SLC17A6: variants seen among roughly 807,000 people sequenced by gnomAD.
SLC17A6 encodes vesicular glutamate transporter 2.
Under a neutral mutation model 67.1 loss-of-function variants are expected in SLC17A6, and 35 were observed. The ratio of observed to expected loss-of-function variants is 0.52; its 90% CI spans 0.40 to 0.69. The LOEUF (loss-of-function observed/expected upper bound fraction) is 0.69, where lower values mean the gene tolerates loss of function less well. SLC17A6 is among the 30% of genes least tolerant of loss of function. SLC17A6 has a pLI of 0.00. For missense variants in SLC17A6, 588 were observed against 723.9 expected (o/e 0.81, Z 2.15); for synonymous variants, 285 against 252.3 (o/e 1.13, Z -1.23).
At chr11:22,362,132 T>A (rs1391443332) in intron 5 of SLC17A6, 1 of 254,000 alleles carries the variant, frequency 3.9e-6, no homozygotes, top group East Asian at 1.3e-4. Context: ...CCTATTATCA[T>A]GAGAATTGTC....
chr11:22,377,382 A>G (rs1445212107), intron 11 of SLC17A6, 23 bp from the exon 12 acceptor site: 2 of 1,573,728 alleles, frequency 1.3e-6, no homozygotes, highest in African/African-American at 1.4e-5. Flanking sequence ...CAGTTCTCAC[A>G]GTGCTGCTTT....
intron 3 of SLC17A6, among the ~76,000 whole-genome samples, chr11:22,356,669 T>C (rs1301063801): frequency 1.3e-5 from 2 of 152,112 alleles, no homozygotes; most frequent in African/African-American, 4.8e-5. Flanking sequence ...ACCCAGTGTA[T>C]ACTAAAAATA....
chr11:22,363,139 G>A (rs1301913982), intron 6 of SLC17A6, among the ~76,000 whole-genome samples: 1 of 151,742 alleles, frequency 6.6e-6, no homozygotes, highest in Non-Finnish European at 1.5e-5. Flanking sequence ...GAAGAGGAAA[G>A]AGTTAGGCAG....
chr11:22,371,396 G>A (rs760838613), intron 8 of SLC17A6, among the ~76,000 whole-genome samples: 1 of 151,982 alleles, frequency 6.6e-6, no homozygotes, highest in African/African-American at 2.4e-5. Flanking sequence ...TGTAATTCCT[G>A]TTTCTAAGGA....
At position 22,379,139 on chromosome 11, in the gene SLC17A6, T is replaced by C. The variant is rs1456326236; in HGVS notation, c.*1399T>C. 1 of 152,516 alleles carries C rather than the reference T, an allele frequency of 6.6e-6. No individual in the cohort carries two copies. Among genetic ancestry groups the C allele is most frequent in the Non-Finnish European group, 1.5e-5 (1 of 67,986 alleles). 9.4% of individuals were successfully genotyped at this position (152,516 alleles called of 1,614,324 possible). ...TAGCTGTTTGGGTGGTTGGAATAAT[T>C]TTATTTTTCTTTTAAAAAAGCTAAC... On this transcript the variant is annotated 3_prime_UTR_variant, in exon 12 of 12. Coordinates refer to ENST00000263160, the MANE Select transcript of SLC17A6 (RefSeq NM_020346.3).
At chr11:22,345,486 T>C (rs994246055) in intron 3 of SLC17A6, among the ~76,000 whole-genome samples, 10 of 152,142 alleles carry the variant, frequency 6.6e-5, no homozygotes, top group East Asian at 1.9e-4. Flanking sequence ...AATTTTTTTA[T>C]AGAAAAAAAT....
intron 7 of SLC17A6, among the ~76,000 whole-genome samples, chr11:22,368,521 G>A (rs1856138325): frequency 6.6e-6 from 1 of 151,872 alleles, no homozygotes. Flanking sequence ...AATTTTTTAA[G>A]GTATAAGGTG....
intron 3 of SLC17A6, among the ~76,000 whole-genome samples, chr11:22,354,722 A>G (rs949879450): frequency 2.0e-5 from 3 of 152,182 alleles, no homozygotes; most frequent in African/African-American, 7.2e-5. Context: ...AGTAATGTAA[A>G]CCATAGTTCT....
At chr11:22,356,235 C>T (rs1855992071) in intron 3 of SLC17A6, among the ~76,000 whole-genome samples, 1 of 152,076 alleles carries the variant, frequency 6.6e-6, no homozygotes, top group South Asian at 2.1e-4. Context: ...CCTTCTCTTC[C>T]ACACAATACT....
Position 22,370,271 on chromosome 11 carries a change from C to T in SLC17A6, c.1041+83C>T, listed in dbSNP as rs1856161170. ...TAAATTCATTTGCAAAAATTTTTAT[C>T]TTCTAATTTTCAGAGATTATTCATT... On this transcript the variant is annotated intron_variant, in intron 8 of 11. Transcript: ENST00000263160. The T allele has an allele frequency of 2.6e-6, 3 of 1,152,414 alleles. No individual in the cohort carries two copies. The Admixed American group carries it at 7.5e-5, about 29-fold the overall frequency. The allele number at this position is 1,152,414 out of a possible 1,614,324, so 71.4% of individuals were successfully genotyped here. A position where few individuals can be genotyped will look rare whatever the true frequency, so the allele number is the denominator to read the frequency against.
In SLC17A6 at chr11:22,342,771, C is replaced by T. The variant is rs1351519877; in HGVS notation, c.340-476C>T. Among the ~76,000 whole-genome samples the T allele has an allele frequency of 2.6e-5, 4 of 152,158 alleles. No individual in the cohort carries two copies. In the East Asian group the frequency reaches 7.7e-4, roughly 29 times the overall value. On this transcript the variant is annotated intron_variant, in intron 2 of 11. Coordinates refer to ENST00000263160, the MANE Select transcript of SLC17A6 (RefSeq NM_020346.3). The stretch of plus-strand genomic sequence containing the variant: ...ACGCTTTCTCTTAGCCACTAAAAGC[C>T]CTGCACCTTTCACCATTTGCTCCCC...
At chr11:22,363,795 G>A (rs1308839071) in intron 6 of SLC17A6, among the ~76,000 whole-genome samples, 2 of 151,700 alleles carry the variant, frequency 1.3e-5, no homozygotes, top group African/African-American at 2.4e-5. Context: ...TTTTTCTTAG[G>A]GAGATTTTTT....
intron 3 of SLC17A6, among the ~76,000 whole-genome samples, chr11:22,358,577 G>C (rs1023003209): frequency 2.6e-5 from 4 of 152,236 alleles, no homozygotes; most frequent in Middle Eastern, 3.4e-3. Flanking sequence ...TGATCCGCTC[G>C]CCTCGGCCTC....
chr11:22,378,999 A>G lies in SLC17A6; in HGVS notation c.*1259A>G, dbSNP rs1856266659. The G allele has an allele frequency of 6.6e-6, 1 of 152,528 alleles. No individual in the cohort carries two copies. The highest frequency in any genetic ancestry group is 2.1e-4 in the South Asian group (1 of 4,834). 9.4% of individuals were successfully genotyped at this position (152,528 alleles called of 1,614,324 possible). Reference sequence around the variant, plus strand: ...ATAGAATTTTAGGTGGGGAAGAGGCATTTTGCTTGTCATTTCTTAATATAA... The same window carrying G: ...ATAGAATTTTAGGTGGGGAAGAGGCGTTTTGCTTGTCATTTCTTAATATAA... On this transcript the variant is annotated 3_prime_UTR_variant, in exon 12 of 12. Transcript: ENST00000263160.
intron 9 of SLC17A6, 58 bp from the exon 10 acceptor site, chr11:22,375,924 G>A (rs1421391283): frequency 2.5e-6 from 3 of 1,188,416 alleles, no homozygotes; most frequent in Admixed American, 3.7e-5. Flanking sequence ...TAGCAGTTTT[G>A]GCTCATTGGT....
intron 7 of SLC17A6, among the ~76,000 whole-genome samples, chr11:22,368,336 CAA>C (rs923275408): frequency 2.6e-5 from 4 of 151,894 alleles, no homozygotes; most frequent in Admixed American, 6.6e-5. Context: ...CAACTTATTG[CAA>C]AGTCTTTTAA....
In SLC17A6 at chr11:22,377,576, G is replaced by C. The variant is rs748959314; in HGVS notation, c.1585G>C (p.Gly529Arg). The C allele has an allele frequency of 1.2e-5, 19 of 1,614,116 alleles. No individual in the cohort carries two copies. Among genetic ancestry groups the C allele is most frequent in the Non-Finnish European group, 1.4e-5 (17 of 1,179,994 alleles). Residue 529 changes from glycine (G) to arginine (R), a missense_variant, in exon 12 of 12, where the codon GGG becomes CGG. By Grantham distance (125) the Gly-to-Arg change is moderately radical. Coordinates refer to ENST00000263160, the MANE Select transcript of SLC17A6 (RefSeq NM_020346.3). ...TGAAGATGAACTCGATGAAGAAACA[G>C]GGGACATTACTCAAAATTATATAAA... Reference protein sequence around the residue: ...IHEDELDEETGDITQNYINYG... With the variant: ...IHEDELDEETRDITQNYINYG...
At chr11:22,358,021 A>G (rs1265904732) in intron 3 of SLC17A6, among the ~76,000 whole-genome samples, 2 of 152,152 alleles carry the variant, frequency 1.3e-5, no homozygotes, top group East Asian at 1.9e-4. Flanking sequence ...GCTGTTTGGG[A>G]TGTCATTTCT....
At position 22,362,799 on chromosome 11, in the gene SLC17A6, G is replaced by T; in HGVS notation, c.722G>T (p.Gly241Val). The T allele has an allele frequency of 6.2e-7, 1 of 1,613,730 alleles. No individual in the cohort carries two copies. Among genetic ancestry groups the T allele is most frequent in the Admixed American group, 1.7e-5 (1 of 60,008 alleles). ...GCTGGCATTCTTGTGCAGTACACTG[G>T]CTGGTCTTCAGTGTTTTATGTCTAC... is the stretch of plus-strand genomic sequence containing the variant. ...PLAGILVQYT[G>V]WSSVFYVYGS... Residue 241 changes from glycine to valine, a missense_variant, in exon 6 of 12, where the codon GGC (glycine) becomes GTC (valine). Gly to Val is a moderately radical substitution (Grantham distance 109). Transcript: ENST00000263160.
Sources: gnomAD v4.1 joint callset for allele counts (sites outside exome capture counted in the v4.1 genomes callset) on GRCh38, gnomAD v4.1.1 for gene constraint, MANE v1.5 for transcripts, NCBI Gene and HGNC (gene_info 2026-07-23, HGNC 2026-07-21) for gene names.